Variants in BMP5 observed in about 807,000 individuals in gnomAD.
BMP5 encodes bone morphogenetic protein 5.
In BMP5, 23 loss-of-function variants were observed where a neutral mutation model predicts 46.6. The observed-to-expected ratio is 0.49, with a 90% confidence interval of 0.35 to 0.70. The LOEUF is 0.70. BMP5 is among the 30% of genes least tolerant of loss of function. BMP5 has a pLI of 0.00. For missense variants in BMP5, 545 were observed against 565.6 expected, an observed-to-expected ratio of 0.96 and a Z score of 0.37; for synonymous variants, 204 against 191.9, an observed-to-expected ratio of 1.06 and a Z score of -0.52.
intron 4 of BMP5, among the ~76,000 whole-genome samples, chr6:55,766,995 C>T (rs1286200096): frequency 1.3e-5 from 2 of 151,832 alleles, no homozygotes; most frequent in Non-Finnish European, 2.9e-5. Context: ...TAATGCTGTG[C>T]CTGGCATATA....
intron 1 of BMP5, among the ~76,000 whole-genome samples, chr6:55,826,919 G>A (rs540687635): frequency 7.8e-4 from 119 of 151,780 alleles, no homozygotes; most frequent in African/African-American, 2.7e-3. Flanking sequence ...TTCTTTGCAT[G>A]AAAGTTTCAA....
rs1775391926 is a variant in BMP5, at chr6:55,784,173, T to G, written c.833-9930A>C. Among the ~76,000 whole-genome samples, 2 of 151,856 alleles carry G rather than the reference T, an allele frequency of 1.3e-5. 1 individual carries two copies. Among genetic ancestry groups the G allele is most frequent in the Non-Finnish European group, 2.9e-5 (2 of 67,822 alleles). On this transcript the variant is annotated intron_variant, in intron 3 of 6. Transcript: ENST00000370830. ...TTCTTAAGTATGATCAAACCTGCAA[T>G]TCTCCCCTTACATATGTTACCTGCT...
At chr6:55,838,497 T>A (rs367794521) in intron 1 of BMP5, among the ~76,000 whole-genome samples, 2 of 152,182 alleles carry the variant, frequency 1.3e-5, no homozygotes, top group East Asian at 1.9e-4. Context: ...ATTATTAGAT[T>A]TTTTCCTATA....
rs556947123 is a variant in BMP5, at chr6:55,784,577, GTTTC to G, written c.832+9698_832+9701del. Among the ~76,000 whole-genome samples, 43 of 151,770 alleles carry G rather than the reference GTTTC, an allele frequency of 2.8e-4. 2 individuals carry two copies. The South Asian group carries it at 8.7e-3, about 31-fold the overall frequency. On this transcript the variant is annotated intron_variant, in intron 3 of 6. Transcript: ENST00000370830. ...GAAGTGAATCATCAGCAGATGAAAA[GTTTC>G]TTTTTCTCCTTTCCTATTTATTAAT...
At chr6:55,826,850 G>A (rs572096827) in intron 1 of BMP5, among the ~76,000 whole-genome samples, 1 of 151,562 alleles carries the variant, frequency 6.6e-6, no homozygotes, top group Admixed American at 6.6e-5. Context: ...CTTTCTCACT[G>A]TCACAGAGTT....
intron 1 of BMP5, among the ~76,000 whole-genome samples, chr6:55,839,935 T>C (rs1281748658): frequency 6.6e-6 from 1 of 152,142 alleles, no homozygotes; most frequent in Non-Finnish European, 1.5e-5. Flanking sequence ...AATCAATATA[T>C]ACTTTAGACA....
chr6:55,785,763 T>A (rs1235570910), intron 3 of BMP5, among the ~76,000 whole-genome samples: 2 of 148,954 alleles, frequency 1.3e-5, no homozygotes, highest in African/African-American at 5.1e-5. Context: ...AAAAAAAATT[T>A]TTTCAGAAAG....
In BMP5 at chr6:55,774,175, T is replaced by C; in HGVS notation, c.901A>G (p.Met301Val). 6.2e-7 allele frequency: 1 copy of C among 1,613,122 alleles called. No homozygotes were observed. The highest frequency in any genetic ancestry group is 1.1e-5 in the South Asian group (1 of 91,066). The change falls in exon 4 of 7, where the codon ATG becomes GTG. Residue 301 changes from methionine to valine, a missense_variant. Physicochemically the swap from Met to Val is conservative, Grantham distance 21 (BLOSUM62 1). Coordinates refer to ENST00000370830, the MANE Select transcript of BMP5 (RefSeq NM_021073.4). The part of the protein sequence containing the change: ...RQGPQSKQPF[M>V]VAFFKASEVL... The stretch of plus-strand genomic sequence containing the variant: ...TCACTCGCCTTGAAGAAGGCCACCA[T>C]GAATGGTTGTTTTGACTGAGGTCCC...
At chr6:55,796,899 TA>T (rs1400723161) in intron 2 of BMP5, among the ~76,000 whole-genome samples, 1 of 152,200 alleles carries the variant, frequency 6.6e-6, no homozygotes, top group Non-Finnish European at 1.5e-5. Context: ...TGGTATGGTC[TA>T]AAAAGAGCCA....
chr6:55,834,855 T>G (rs1582104278), intron 1 of BMP5, among the ~76,000 whole-genome samples: 2 of 152,196 alleles, frequency 1.3e-5, no homozygotes, highest in South Asian at 4.1e-4. Context: ...TTGAGGCAGG[T>G]GGACCACCTG....
rs114062447 is a variant in BMP5, at chr6:55,875,022, C to A, written c.-157G>T. On this transcript the variant is annotated 5_prime_UTR_variant, in exon 1 of 7. Coordinates refer to ENST00000370830, the MANE Select transcript of BMP5 (RefSeq NM_021073.4). The stretch of plus-strand genomic sequence containing the variant: ...ACATTTCTGAGCACAACATCCTCAC[C>A]GATTTTCCTGTCCTATTTTAAATAT... 2,584 of 776,626 alleles carry A rather than the reference C, an allele frequency of 3.3e-3. 49 individuals are homozygous for A. In the African/African-American group the frequency reaches 0.04, roughly 12 times the overall value. 48.1% of individuals were successfully genotyped at this position (776,626 alleles called of 1,614,324 possible). A position where few individuals can be genotyped will look rare whatever the true frequency, so the allele number is the denominator to read the frequency against.
At chr6:55,801,379 C>T (rs1775845604) in intron 2 of BMP5, among the ~76,000 whole-genome samples, 1 of 152,180 alleles carries the variant, frequency 6.6e-6, no homozygotes, top group African/African-American at 2.4e-5. Context: ...GGCAAGGCAT[C>T]CGCTTCTAAA....
At chr6:55,848,992 A>G (rs767401849) in intron 1 of BMP5, among the ~76,000 whole-genome samples, 1 of 152,086 alleles carries the variant, frequency 6.6e-6, no homozygotes, top group Non-Finnish European at 1.5e-5. Flanking sequence ...AAATGGGATT[A>G]CCATTAATTT....
At chr6:55,780,456 T>TAAAAAAAAAAAAA (rs369703099) in intron 3 of BMP5, among the ~76,000 whole-genome samples, 1 of 62,022 alleles carries the variant, frequency 1.6e-5, no homozygotes, top group Non-Finnish European at 2.7e-5. Context: ...CCATCACTAC[T>TAAAAAAAAAAAAA]AAAAAAAAAA....
intron 1 of BMP5, among the ~76,000 whole-genome samples, chr6:55,833,912 A>G (rs1341273317): frequency 8.5e-5 from 13 of 152,206 alleles, no homozygotes. Flanking sequence ...TGATGACTAT[A>G]AAAATTTTAA....
chr6:55,757,419 G>A (rs1255962131), intron 6 of BMP5, among the ~76,000 whole-genome samples: 1 of 151,956 alleles, frequency 6.6e-6, no homozygotes, highest in Non-Finnish European at 1.5e-5. Flanking sequence ...CTCTTCATAG[G>A]ATGAAACAAC....
intron 1 of BMP5, among the ~76,000 whole-genome samples, chr6:55,852,499 A>G (rs1179088644): frequency 6.6e-6 from 1 of 152,030 alleles, no homozygotes; most frequent in Non-Finnish European, 1.5e-5. Flanking sequence ...TCACACTATT[A>G]TTTTGGTGTT....
At chr6:55,796,361 G>A (rs1775711431) in intron 2 of BMP5, among the ~76,000 whole-genome samples, 1 of 151,686 alleles carries the variant, frequency 6.6e-6, no homozygotes, top group Non-Finnish European at 1.5e-5. Context: ...TTTAAATTGT[G>A]CCATCTCTTC....
At chr6:55,798,734 A>G (rs1775775302) in intron 2 of BMP5, among the ~76,000 whole-genome samples, 1 of 152,232 alleles carries the variant, frequency 6.6e-6, no homozygotes, top group Admixed American at 6.5e-5. Flanking sequence ...TTGTCAATAC[A>G]AATACATTTG....
Sources: gnomAD v4.1 joint callset for allele counts (sites outside exome capture counted in the v4.1 genomes callset) on GRCh38, gnomAD v4.1.1 for gene constraint, MANE v1.5 for transcripts, NCBI Gene and HGNC (gene_info 2026-07-23, HGNC 2026-07-21) for gene names.